INSR: variants seen among roughly 807,000 people sequenced by gnomAD.
The protein encoded by INSR is IR.
A neutral mutation model predicts 142.6 loss-of-function variants in INSR; 67 were observed. The ratio of observed to expected loss-of-function variants is 0.47; its 90% confidence interval spans 0.39 to 0.58. The LOEUF (loss-of-function observed/expected upper bound fraction) is 0.58, where lower values mean the gene tolerates loss of function less well. Among genes scored for constraint, INSR ranks in the 20% least tolerant of loss-of-function variants. The probability of loss-of-function intolerance (pLI) is 0.00; values close to 1 mark genes in which losing one functional copy is unlikely to be tolerated. For synonymous variants in INSR, 756 were observed against 743.1 expected, an observed-to-expected ratio of 1.02 and a Z score of -0.28; for missense variants, 1,248 against 1,833.2, an observed-to-expected ratio of 0.68 and a Z score of 5.83.
chr19:7,125,627 A>C lies in INSR; in HGVS notation c.3014-100T>G. 6.7e-7 allele frequency: 1 copy of C among 1,497,994 alleles called. No homozygotes were observed. The highest frequency in any genetic ancestry group is 9.2e-7 in the Non-Finnish European group (1 of 1,091,044). 92.8% of individuals were successfully genotyped at this position (1,497,994 alleles called of 1,614,324 possible). On this transcript the variant is annotated intron_variant, in intron 16 of 21. Transcript: ENST00000302850. This position sits in a 1 kb window ranked among gnomAD's most constrained non-coding sequence, Gnocchi z 4.9. ...CACCCAAACCCCCTCGAAAACACTC[A>C]TGAAATGAGTTCTGTGATCCAGGAC...
Position 7,119,720 on chromosome 19 carries a change from G to T in INSR, c.3660-137C>A. The T allele has an allele frequency of 1.1e-6, 1 of 951,710 alleles. No homozygotes were observed. Among genetic ancestry groups the T allele is most frequent in the Non-Finnish European group, 1.6e-6 (1 of 609,076 alleles). 59.0% of individuals were successfully genotyped at this position (951,710 alleles called of 1,614,324 possible). ...AACACATACATGCAAACACACACAT[G>T]CAAACACACACGCACATACACGTGC... On this transcript the variant is annotated intron_variant, in intron 20 of 21. Transcript: ENST00000302850. The surrounding 1 kb of genome is among the most constrained non-coding windows in gnomAD (Gnocchi z 5.2).
intron 13 of INSR, among the ~76,000 whole-genome samples, chr19:7,133,399 G>A (rs1338477626): frequency 6.6e-6 from 1 of 152,146 alleles, no homozygotes; most frequent in Non-Finnish European, 1.5e-5. Context: ...TTATTTCTTT[G>A]TTGTGAGAAC....
At chr19:7,236,738 G>C (rs1316371488) in intron 2 of INSR, among the ~76,000 whole-genome samples, 1 of 152,146 alleles carries the variant, frequency 6.6e-6, no homozygotes, top group South Asian at 2.1e-4. Flanking sequence ...TCTTAAGAAT[G>C]ATACAAGGCC....
intron 2 of INSR, among the ~76,000 whole-genome samples, chr19:7,207,948 G>GGAAGGAAGGAAGGAAGGAAGGGAAGGGAA (rs1375255118): frequency 8.1e-6 from 1 of 124,102 alleles, no homozygotes. Flanking sequence ...AAGGGAAGGA[G>GGAAGGAAGGAAGGAAGGAAGGGAAGGGAA]GGAGGGAGGG....
intron 2 of INSR, among the ~76,000 whole-genome samples, chr19:7,237,144 C>A (rs137993705): frequency 2.6e-4 from 39 of 151,990 alleles, no homozygotes; most frequent in African/African-American, 8.9e-4. Flanking sequence ...GGTGATGGAT[C>A]CACCAAAACT....
At chr19:7,144,449 G>T (rs909234240) in intron 11 of INSR, among the ~76,000 whole-genome samples, 2 of 152,098 alleles carry the variant, frequency 1.3e-5, no homozygotes, top group African/African-American at 4.8e-5. Flanking sequence ...TGTCGCCCAG[G>T]CTGGAGTGCG....
At chr19:7,239,538 G>C (rs1976274479) in intron 2 of INSR, among the ~76,000 whole-genome samples, 1 of 152,082 alleles carries the variant, frequency 6.6e-6, no homozygotes, top group African/African-American at 2.4e-5. Context: ...CATTCGGGGA[G>C]TATATACTAG....
intron 2 of INSR, among the ~76,000 whole-genome samples, chr19:7,215,769 A>T (rs1230329540): frequency 6.6e-6 from 1 of 151,600 alleles, no homozygotes; most frequent in Non-Finnish European, 1.5e-5. Context: ...GGGTTTTACC[A>T]TGTTGGCCTG....
chr19:7,283,352 C>A (rs892525664), intron 1 of INSR, among the ~76,000 whole-genome samples: 22 of 152,120 alleles, frequency 1.4e-4, no homozygotes, highest in Non-Finnish European at 4.4e-5. Flanking sequence ...ATCAACCCAG[C>A]GGTTTCCACG....
intron 9 of INSR, among the ~76,000 whole-genome samples, chr19:7,153,494 A>ACACACACCACATACACACTT (rs1973505100): frequency 1.7e-5 from 2 of 116,478 alleles, no homozygotes; most frequent in African/African-American, 6.5e-5. Flanking sequence ...CGCACCACAC[A>ACACACACCACATACACACTT]CACACACAGT....
At chr19:7,201,883 G>A (rs1055219255) in intron 2 of INSR, among the ~76,000 whole-genome samples, 2 of 151,852 alleles carry the variant, frequency 1.3e-5, no homozygotes, top group African/African-American at 4.8e-5. Context: ...GGATGGTTTC[G>A]ATCTCCTGAC....
At chr19:7,289,910 C>T (rs1025022668) in intron 1 of INSR, among the ~76,000 whole-genome samples, 1 of 152,130 alleles carries the variant, frequency 6.6e-6, no homozygotes, top group African/African-American at 2.4e-5. Flanking sequence ...TACAGGACAG[C>T]CCCCACCACC....
chr19:7,193,783 A>G (rs1465400065), intron 2 of INSR, among the ~76,000 whole-genome samples: 1 of 151,910 alleles, frequency 6.6e-6, no homozygotes, highest in Non-Finnish European at 1.5e-5. Context: ...TCCGCCTCCC[A>G]GGTTCAAGTG....
chr19:7,116,964 G>C lies in INSR; in HGVS notation c.*92C>G. ...TCTCTGAACTCCATTGGACATGGTA[G>C]AGTCGTGAGAATCCTGAGTTTTCCA... On this transcript the variant is annotated 3_prime_UTR_variant, in exon 22 of 22. Coordinates refer to ENST00000302850, the MANE Select transcript of INSR (RefSeq NM_000208.4). The C allele has an allele frequency of 1.1e-6, 1 of 945,376 alleles. No homozygotes were observed. The highest frequency in any genetic ancestry group is 1.8e-6 in the Non-Finnish European group (1 of 570,120). The allele number at this position is 945,376 out of a possible 1,614,324, so 58.6% of individuals were successfully genotyped here. A position where few individuals can be genotyped will look rare whatever the true frequency, so the allele number is the denominator to read the frequency against.
At chr19:7,188,925 C>G (rs1235231648) in intron 2 of INSR, among the ~76,000 whole-genome samples, 1 of 150,716 alleles carries the variant, frequency 6.6e-6, no homozygotes, top group African/African-American at 2.4e-5. Context: ...GAGTCCCTTC[C>G]TTCCTTCTTA....
intron 2 of INSR, among the ~76,000 whole-genome samples, chr19:7,252,881 C>T (rs1161465447): frequency 1.3e-5 from 2 of 151,652 alleles, no homozygotes; most frequent in African/African-American, 4.9e-5. Flanking sequence ...CCTGGGAGGC[C>T]AAGGCGGGCA....
chr19:7,266,383 CTTTT>C (rs746892721), intron 2 of INSR, among the ~76,000 whole-genome samples: 4 of 123,238 alleles, frequency 3.2e-5, no homozygotes, highest in Non-Finnish European at 1.7e-5. Flanking sequence ...TAGAAATTAT[CTTTT>C]TTTTTTTTTT....
intron 2 of INSR, among the ~76,000 whole-genome samples, chr19:7,197,367 G>T (rs1253090715): frequency 3.3e-5 from 5 of 152,224 alleles, no homozygotes; most frequent in African/African-American, 1.2e-4. Context: ...TGGGGAGGGA[G>T]TGAGTCCGTC....
intron 9 of INSR, among the ~76,000 whole-genome samples, chr19:7,155,057 TG>T (rs1196080905): frequency 1.3e-5 from 2 of 152,100 alleles, no homozygotes; most frequent in Non-Finnish European, 2.9e-5. Context: ...GGTCAGATGT[TG>T]GGGTAAAAGA....
Sources: allele counts gnomAD v4.1 joint callset (sites outside exome capture counted in the v4.1 genomes callset), GRCh38; gene constraint gnomAD v4.1.1; non-coding constraint Gnocchi (gnomAD v3.1); transcripts MANE v1.5; gene names NCBI Gene and HGNC (gene_info 2026-07-23, HGNC 2026-07-21).